Variants in MOK observed in about 807,000 individuals in gnomAD.
MOK encodes MOK protein kinase.
A neutral mutation model predicts 54.2 loss-of-function variants in MOK; 59 were observed. The observed-to-expected ratio is 1.09, with a 90% CI of 0.88 to 1.35. MOK has a LOEUF of 1.35. Ranked by LOEUF, MOK falls within the 40% of genes most tolerant of loss-of-function variation. The pLI is 0.00. For missense variants in MOK, 517 were observed against 526.2 expected (o/e 0.98, Z 0.17); for synonymous variants, 210 against 202.7 (o/e 1.04, Z -0.31).
chr14:102,281,107 T>C (rs1263708497), intron 2 of MOK, among the ~76,000 whole-genome samples: 1 of 152,150 alleles, frequency 6.6e-6, no homozygotes, highest in Non-Finnish European at 1.5e-5. Context: ...GCAGATCACT[T>C]GAGGTCAGGA....
chr14:102,265,588 G>A (rs75983418), intron 3 of MOK, among the ~76,000 whole-genome samples: 2,183 of 152,106 alleles, frequency 0.014, 59 homozygotes, highest in African/African-American at 0.051. Context: ...CCAAGATCAC[G>A]CCGCTGCACT....
chr14:102,252,404 G>A (rs892658750), intron 4 of MOK, among the ~76,000 whole-genome samples: 10 of 151,796 alleles, frequency 6.6e-5, no homozygotes, highest in Admixed American at 2.0e-4. Flanking sequence ...GCAGCAAGCC[G>A]AGATGGCACC....
intron 7 of MOK, among the ~76,000 whole-genome samples, chr14:102,250,285 C>T (rs1307504073): frequency 2.0e-5 from 3 of 152,262 alleles, no homozygotes; most frequent in African/African-American, 7.2e-5. Flanking sequence ...CAACTCAACA[C>T]CATTCACCTC....
At chr14:102,273,427 A>C (rs2068568250) in intron 2 of MOK, among the ~76,000 whole-genome samples, 1 of 152,152 alleles carries the variant, frequency 6.6e-6, no homozygotes, top group African/African-American at 2.4e-5. Flanking sequence ...AAAACATAAA[A>C]CACTTAGATA....
chr14:102,288,185 T>C (rs1403301771), intron 1 of MOK, among the ~76,000 whole-genome samples: 1 of 152,178 alleles, frequency 6.6e-6, no homozygotes, highest in African/African-American at 2.4e-5. Flanking sequence ...CTCCTACATA[T>C]ATGCCTAAGA....
chr14:102,273,621 A>C (rs2068584378), intron 2 of MOK, among the ~76,000 whole-genome samples: 1 of 152,006 alleles, frequency 6.6e-6, no homozygotes, highest in Non-Finnish European at 1.5e-5. Flanking sequence ...TCTACTAAAC[A>C]TACAAAAATT....
intron 3 of MOK, chr14:102,264,205 T>G: frequency 8.1e-6 from 1 of 123,258 alleles, no homozygotes; most frequent in African/African-American, 3.6e-5. Context: ...AGTGAGACCC[T>G]GTCTCAAAAA....
chr14:102,223,139 T>C (rs577274082), downstream of MOK: 1 of 348,576 alleles, frequency 2.9e-6, no homozygotes, highest in South Asian at 5.8e-5. Context: ...TGCTTTTTAC[T>C]CTAAAATTCA....
At chr14:102,237,280 C>T (rs991167461) in intron 7 of MOK, among the ~76,000 whole-genome samples, 9 of 152,182 alleles carry the variant, frequency 5.9e-5, no homozygotes, top group Non-Finnish European at 1.2e-4. Flanking sequence ...GACTCTCAAA[C>T]TCACACAGTT....
rs186329870 is a variant in MOK, at chr14:102,278,434, T to C, written c.122+5044A>G. On this transcript the variant is annotated intron_variant, in intron 2 of 11. Transcript: ENST00000361847. ...GACTAATAAATTCCTTGCCTTTGTT[T>C]CTATTTATAACCTTACACAGCAGAC... 2.6e-3 allele frequency among the ~76,000 whole-genome samples: 400 copies of C among 152,228 alleles called. 4 individuals carry two copies. The highest frequency in any genetic ancestry group is 9.0e-3 in the African/African-American group (375 of 41,540).
At chr14:102,227,933 T>G (rs2064320508), downstream of MOK, among the ~76,000 whole-genome samples, 1 of 152,194 alleles carries the variant, frequency 6.6e-6, no homozygotes, top group South Asian at 2.1e-4. Context: ...CCTGGGAAAT[T>G]TAGCCTTTTT....
Position 102,233,796 on chromosome 14 carries a change from G to T in MOK, c.591-7C>A, listed in dbSNP as rs368930737. 2.8e-5 allele frequency: 45 copies of T among 1,599,154 alleles called. No individual in the cohort carries two copies. Among genetic ancestry groups the T allele is most frequent in the Non-Finnish European group, 3.5e-5 (41 of 1,166,362 alleles). ...AGGAAAGAGGGGCTGCAGACTGGAA[G>T]GGCAGAAGGGGCACTGTGGTCAGTG... On this transcript the variant is annotated splice_region_variant and splice_polypyrimidine_tract_variant and intron_variant, in intron 7 of 11. Transcript: ENST00000361847.
chr14:102,233,967 A>G (rs1261539487), intron 7 of MOK, 178 bp from the exon 8 acceptor site: 11 of 569,098 alleles, frequency 1.9e-5, no homozygotes, highest in African/African-American at 9.4e-5. Context: ...TCACAAGGTG[A>G]TATGTGGCAA....
chr14:102,218,381 C>G, the MOK span, among the ~76,000 whole-genome samples: 2 of 152,288 alleles, frequency 1.3e-5, no homozygotes, highest in Non-Finnish European at 2.9e-5. Flanking sequence ...CTCCCAGAAC[C>G]CAGAGCTAGG....
At chr14:102,281,056 G>C (rs1163603097) in intron 2 of MOK, among the ~76,000 whole-genome samples, 1 of 152,092 alleles carries the variant, frequency 6.6e-6, no homozygotes, top group Admixed American at 6.6e-5. Context: ...GGGCATGGTG[G>C]CTCACACCTG....
Position 102,231,694 on chromosome 14 carries a change from T to C in MOK, c.981+13A>G. The C allele has an allele frequency of 6.2e-7, 1 of 1,605,966 alleles. No individual in the cohort carries two copies. The highest frequency in any genetic ancestry group is 8.5e-7 in the Non-Finnish European group (1 of 1,174,836). The stretch of plus-strand genomic sequence containing the variant: ...TGAGCTAGGCAGTCTCCGGCTCCGA[T>C]TTCGCTTAGTACCTGCTTTCTGCCC... On this transcript the variant is annotated intron_variant, in intron 10 of 11. Transcript: ENST00000361847. This position sits in a 1 kb window ranked among gnomAD's most constrained non-coding sequence, Gnocchi z 4.4.
intron 1 of MOK, among the ~76,000 whole-genome samples, chr14:102,291,275 A>T (rs186655455): frequency 1.1e-4 from 16 of 152,362 alleles, no homozygotes; most frequent in Admixed American, 9.8e-4. Context: ...AAAACCAGGC[A>T]ATAAAGATTC....
At chr14:102,285,301 A>T (rs1275012270) in intron 1 of MOK, among the ~76,000 whole-genome samples, 2 of 152,144 alleles carry the variant, frequency 1.3e-5, no homozygotes, top group Non-Finnish European at 2.9e-5. Context: ...GGCTGGCCTC[A>T]AACTCCTGGG....
At chr14:102,266,295 G>C (rs2067897469) in intron 2 of MOK, among the ~76,000 whole-genome samples, 1 of 151,618 alleles carries the variant, frequency 6.6e-6, no homozygotes, top group Admixed American at 6.6e-5. Context: ...TCCAAGAAAA[G>C]ACCCACCCCT....
Sources: gnomAD v4.1 joint callset for allele counts (sites outside exome capture counted in the v4.1 genomes callset) on GRCh38, gnomAD v4.1.1 for gene constraint, Gnocchi (gnomAD v3.1) non-coding constraint, MANE v1.5 for transcripts, NCBI Gene and HGNC (gene_info 2026-07-23, HGNC 2026-07-21) for gene names.